MLLT3: variants seen among roughly 807,000 people sequenced by gnomAD.
MLLT3 encodes protein AF-9.
A neutral mutation model predicts 53.2 loss-of-function variants in MLLT3; 4 were observed. The ratio of observed to expected loss-of-function variants is 0.08; its 90% CI spans 0.04 to 0.17. The LOEUF is 0.17. MLLT3 is among the 10% of genes least tolerant of loss of function. MLLT3 has a pLI of 1.00. For missense variants in MLLT3, 569 were observed against 684.0 expected, an observed-to-expected ratio of 0.83 and a Z score of 1.87; for synonymous variants, 283 against 230.6, an observed-to-expected ratio of 1.23 and a Z score of -2.06.
At chr9:20,473,075 G>C (rs1461115256) in intron 2 of MLLT3, among the ~76,000 whole-genome samples, 1 of 152,072 alleles carries the variant, frequency 6.6e-6, no homozygotes, top group Middle Eastern at 3.2e-3. Flanking sequence ...CTCTGGGGTA[G>C]TCCGTAGCAA....
chr9:20,612,711 C>G (rs563225730), intron 2 of MLLT3, among the ~76,000 whole-genome samples: 9 of 151,790 alleles, frequency 5.9e-5, no homozygotes, highest in Non-Finnish European at 1.3e-4. Flanking sequence ...AATGCTTAAT[C>G]CCACCAGGAA....
intron 2 of MLLT3, among the ~76,000 whole-genome samples, chr9:20,541,837 T>G (rs1177682308): frequency 2.0e-5 from 3 of 152,198 alleles, no homozygotes; most frequent in Admixed American, 6.5e-5. Context: ...TACTTCAAAT[T>G]CTACCTCTTT....
chr9:20,470,511 T>C (rs1036277458), intron 2 of MLLT3, among the ~76,000 whole-genome samples: 1 of 152,054 alleles, frequency 6.6e-6, no homozygotes, highest in South Asian at 2.1e-4. Context: ...TCATGTGAAT[T>C]AGTATACCTA....
At chr9:20,557,806 G>T (rs568732675) in intron 2 of MLLT3, among the ~76,000 whole-genome samples, 1 of 152,136 alleles carries the variant, frequency 6.6e-6, no homozygotes, top group South Asian at 2.1e-4. Context: ...AAATCTAGTG[G>T]CAAAAAGTAC....
intron 2 of MLLT3, among the ~76,000 whole-genome samples, chr9:20,570,594 G>A (rs538712113): frequency 2.6e-5 from 4 of 152,256 alleles, no homozygotes; most frequent in South Asian, 2.1e-4. Context: ...TATGACATGA[G>A]TAGAAAATGA....
At chr9:20,454,864 A>G (rs1254768460) in intron 3 of MLLT3, among the ~76,000 whole-genome samples, 1 of 152,190 alleles carries the variant, frequency 6.6e-6, no homozygotes, top group African/African-American at 2.4e-5. Context: ...ATGAGATATG[A>G]ACAGTCACTT....
rs1303086411 is a variant in MLLT3 at position 20,344,040 on chromosome 9, GAT to G, written c.*2401_*2402del. 1 of 201,636 alleles carries G rather than the reference GAT, an allele frequency of 5.0e-6. No individual in the cohort carries two copies. The highest frequency in any genetic ancestry group is 1.0e-5 in the Non-Finnish European group (1 of 98,244). 12.5% of individuals were successfully genotyped at this position (201,636 alleles called of 1,614,324 possible). A position where few individuals can be genotyped will look rare whatever the true frequency, so the allele number is the denominator to read the frequency against. On this transcript the variant is annotated 3_prime_UTR_variant, in exon 11 of 11. Coordinates refer to ENST00000380338, the MANE Select transcript of MLLT3 (RefSeq NM_004529.4). ...TTGCTATCTTGATGAGTAGAAGATG[GAT>G]AAGTTTTTCTGAACTTTATCAATTT...
intron 2 of MLLT3, among the ~76,000 whole-genome samples, chr9:20,540,082 T>C (rs1316030525): frequency 1.3e-5 from 2 of 152,248 alleles, no homozygotes; most frequent in Non-Finnish European, 2.9e-5. Context: ...CTCCACTGAC[T>C]TCGTGTCTCA....
chr9:20,422,673 A>T (rs960138330), intron 4 of MLLT3, among the ~76,000 whole-genome samples: 2 of 152,206 alleles, frequency 1.3e-5, no homozygotes, highest in African/African-American at 4.8e-5. Flanking sequence ...AATTCTGACA[A>T]TTATTTATTA....
At chr9:20,347,242 T>C (rs7862166) in intron 10 of MLLT3, among the ~76,000 whole-genome samples, 59,978 of 152,070 alleles carry the variant, frequency 0.39, 17,091 homozygotes, top group African/African-American at 0.81. Context: ...GGTGAAAATG[T>C]ATCTACCTGA....
At chr9:20,384,890 C>T (rs771067778) in intron 5 of MLLT3, among the ~76,000 whole-genome samples, 17 of 152,134 alleles carry the variant, frequency 1.1e-4, no homozygotes, top group Non-Finnish European at 2.4e-4. Context: ...TATAGCACTC[C>T]CCAGCCGCAC....
intron 4 of MLLT3, among the ~76,000 whole-genome samples, chr9:20,434,055 A>G (rs1270617561): frequency 1.3e-5 from 2 of 152,124 alleles, no homozygotes; most frequent in Non-Finnish European, 2.9e-5. Flanking sequence ...TGGGAAGCGG[A>G]GGTTGCAGTG....
chr9:20,574,499 T>A (rs1485365147), intron 2 of MLLT3, among the ~76,000 whole-genome samples: 1 of 152,246 alleles, frequency 6.6e-6, no homozygotes, highest in Non-Finnish European at 1.5e-5. Flanking sequence ...ATTTAAGAGT[T>A]ACATTTACAC....
At chr9:20,362,706 C>CCTT (rs1396232997) in intron 7 of MLLT3, 3 of 99,712 alleles carry the variant, frequency 3.0e-5, no homozygotes, top group East Asian at 3.2e-4. Flanking sequence ...GTTAAGACCG[C>CCTT]TTTTTTTTTT....
In MLLT3 at chr9:20,355,913, C is replaced by A. The variant is rs537876140; in HGVS notation, c.1432-1034G>T. Among the ~76,000 whole-genome samples, 305 of 152,244 alleles carry A rather than the reference C, an allele frequency of 2.0e-3. 1 individual carries two copies. Among genetic ancestry groups the A allele is most frequent in the African/African-American group, 7.1e-3 (296 of 41,532 alleles). On this transcript the variant is annotated intron_variant, in intron 8 of 10. Coordinates refer to ENST00000380338, the MANE Select transcript of MLLT3 (RefSeq NM_004529.4). ...TTCTGTCCACAAGTTTACCACATTCCGTAACATAAAGATTTTAAGAATGAG... is the reference window on the plus strand; with the variant it reads ...TTCTGTCCACAAGTTTACCACATTCAGTAACATAAAGATTTTAAGAATGAG...
chr9:20,462,329 A>G (rs1824130623), intron 2 of MLLT3, among the ~76,000 whole-genome samples: 1 of 152,344 alleles, frequency 6.6e-6, no homozygotes, highest in Middle Eastern at 3.4e-3. Flanking sequence ...ATTTCCTTGA[A>G]CAAGAATTAA....
At chr9:20,440,221 T>C (rs965637927) in intron 4 of MLLT3, among the ~76,000 whole-genome samples, 2 of 152,190 alleles carry the variant, frequency 1.3e-5, no homozygotes, top group African/African-American at 4.8e-5. Context: ...GATCCTACAA[T>C]TGAATTTGTG....
intron 2 of MLLT3, chr9:20,502,174 A>G (rs367554798): frequency 1.3e-5 from 2 of 154,056 alleles, no homozygotes; most frequent in African/African-American, 4.8e-5. Context: ...ATTGTTGACA[A>G]AGTTAAAATG....
chr9:20,593,402 C>G (rs1820176101), intron 2 of MLLT3, among the ~76,000 whole-genome samples: 2 of 152,268 alleles, frequency 1.3e-5, no homozygotes, highest in Admixed American at 1.3e-4. Flanking sequence ...TCAAGAAAGT[C>G]TTATCTGAGA....
Sources: gnomAD v4.1 joint callset for allele counts (sites outside exome capture counted in the v4.1 genomes callset) on GRCh38, gnomAD v4.1.1 for gene constraint, MANE v1.5 for transcripts, NCBI Gene and HGNC (gene_info 2026-07-23, HGNC 2026-07-21) for gene names.